PPP3CA: variants seen among roughly 807,000 people sequenced by gnomAD.
PPP3CA encodes the protein protein phosphatase 3 catalytic subunit alpha, also known as CAM-PRP catalytic subunit.
In PPP3CA, 14 loss-of-function variants were observed where a neutral mutation model predicts 66.5. The ratio of observed to expected loss-of-function variants is 0.21; its 90% CI spans 0.14 to 0.33. PPP3CA has a LOEUF of 0.33. Among genes scored for constraint, PPP3CA ranks in the 10% least tolerant of loss-of-function variants. PPP3CA has a pLI of 1.00. For missense variants in PPP3CA, 317 were observed against 639.5 expected, an observed-to-expected ratio of 0.50 and a Z score of 5.44; for synonymous variants, 232 against 226.2, an observed-to-expected ratio of 1.03 and a Z score of -0.23.
chr4:101,188,317 C>CA (rs1724477199), intron 2 of PPP3CA, among the ~76,000 whole-genome samples: 1 of 151,976 alleles, frequency 6.6e-6, no homozygotes, highest in Admixed American at 6.6e-5. Context: ...AGGCACAAGG[C>CA]AAAAGAAAAC....
chr4:101,280,627 C>T (rs1024344213), intron 1 of PPP3CA, among the ~76,000 whole-genome samples: 3 of 151,994 alleles, frequency 2.0e-5, no homozygotes, highest in African/African-American at 4.8e-5. Flanking sequence ...CGAGACCGGC[C>T]TAGCCAACAT....
chr4:101,041,067 A>T (rs999830875), intron 10 of PPP3CA, among the ~76,000 whole-genome samples: 2 of 152,226 alleles, frequency 1.3e-5, no homozygotes, highest in African/African-American at 4.8e-5. Context: ...GCCTTGCAAC[A>T]TCATTCATAA....
intron 2 of PPP3CA, among the ~76,000 whole-genome samples, chr4:101,186,220 G>A (rs1724404786): frequency 2.0e-5 from 3 of 152,048 alleles, no homozygotes. Context: ...TGACAAAGAG[G>A]TATAGAACGA....
chr4:101,082,985 CG>C (rs1323351380), intron 7 of PPP3CA, among the ~76,000 whole-genome samples, 200 bp downstream of exon 7: 2 of 152,138 alleles, frequency 1.3e-5, no homozygotes, highest in Non-Finnish European at 2.9e-5. Flanking sequence ...AAGAACTTTA[CG>C]GGAGACTGTA....
intron 1 of PPP3CA, among the ~76,000 whole-genome samples, chr4:101,272,629 C>T (rs1003986479): frequency 1.3e-5 from 2 of 152,158 alleles, no homozygotes; most frequent in South Asian, 4.1e-4. Context: ...CTTACTTCTC[C>T]GTGCCACAGT....
intron 2 of PPP3CA, among the ~76,000 whole-genome samples, chr4:101,152,959 C>T (rs1723190535): frequency 1.3e-5 from 2 of 151,890 alleles, no homozygotes; most frequent in African/African-American, 4.8e-5. Flanking sequence ...ATTTGAGACC[C>T]AAAGGGTGAG....
chr4:101,307,324 A>T (rs1342398243), intron 1 of PPP3CA, among the ~76,000 whole-genome samples: 1 of 152,146 alleles, frequency 6.6e-6, no homozygotes, highest in Non-Finnish European at 1.5e-5. Flanking sequence ...AGGAACTGAA[A>T]CACAGAATGT....
intron 3 of PPP3CA, among the ~76,000 whole-genome samples, chr4:101,101,899 A>G (rs1730460021): frequency 6.6e-6 from 1 of 152,162 alleles, no homozygotes; most frequent in South Asian, 2.1e-4. Context: ...TCTAAACTGG[A>G]ACTTTGTAAC....
chr4:101,328,031 G>A (rs1729259821), intron 1 of PPP3CA, among the ~76,000 whole-genome samples: 1 of 152,166 alleles, frequency 6.6e-6, no homozygotes, highest in African/African-American at 2.4e-5. Context: ...GATTCCAGCA[G>A]GAAGAAATTT....
chr4:101,335,577 G>A (rs930052669), intron 1 of PPP3CA, among the ~76,000 whole-genome samples: 1 of 152,116 alleles, frequency 6.6e-6, no homozygotes, highest in African/African-American at 2.4e-5. Flanking sequence ...CAGATTAGGC[G>A]TTTGACAACT....
At chr4:101,235,776 A>G (rs1159801091) in intron 1 of PPP3CA, among the ~76,000 whole-genome samples, 1 of 151,900 alleles carries the variant, frequency 6.6e-6, no homozygotes, top group East Asian at 1.9e-4. Context: ...CACTGATGTT[A>G]TAGAGGATAA....
At position 101,291,117 on chromosome 4, in the gene PPP3CA, T is replaced by C. The variant is rs143452124; in HGVS notation, c.58+55622A>G. Among the ~76,000 whole-genome samples, 10 of 145,484 alleles carry C rather than the reference T, an allele frequency of 6.9e-5. 1 individual carries two copies. Among genetic ancestry groups the C allele is most frequent in the African/African-American group, 2.2e-4 (8 of 36,200 alleles). ...ATTGTCTGCTGCAAACTGTACCTGA[T>C]GTTTTGCCCCTTAACTAGGCTATTC... is the stretch of plus-strand genomic sequence containing the variant. On this transcript the variant is annotated intron_variant, in intron 1 of 13. Coordinates refer to ENST00000394854, the MANE Select transcript of PPP3CA (RefSeq NM_000944.5).
At chr4:101,260,715 A>C (rs1726985797) in intron 1 of PPP3CA, among the ~76,000 whole-genome samples, 1 of 152,144 alleles carries the variant, frequency 6.6e-6, no homozygotes, top group Non-Finnish European at 1.5e-5. Context: ...TTCGTTCATC[A>C]AAAGTAATTC....
At chr4:101,034,059 A>G (rs1328051685) in intron 11 of PPP3CA, among the ~76,000 whole-genome samples, 1 of 152,056 alleles carries the variant, frequency 6.6e-6, no homozygotes, top group East Asian at 1.9e-4. Context: ...TCACTTGTGT[A>G]TTCAGAACTC....
intron 2 of PPP3CA, 103 bp downstream of exon 2, chr4:101,195,813 G>A (rs2110190444): frequency 1.1e-6 from 1 of 900,882 alleles, no homozygotes; most frequent in East Asian, 2.5e-5. Flanking sequence ...AGATTATGAT[G>A]GGTAAGGTAT....
intron 1 of PPP3CA, among the ~76,000 whole-genome samples, chr4:101,271,975 A>G (rs1439251378): frequency 6.6e-6 from 1 of 152,212 alleles, no homozygotes; most frequent in Non-Finnish European, 1.5e-5. Flanking sequence ...TAATCATTAT[A>G]CTATAACAAG....
intron 8 of PPP3CA, among the ~76,000 whole-genome samples, chr4:101,070,335 T>C (rs1407039147): frequency 6.6e-6 from 1 of 151,988 alleles, no homozygotes; most frequent in Non-Finnish European, 1.5e-5. Context: ...ACTAAAAACA[T>C]AACTAACAAA....
intron 2 of PPP3CA, among the ~76,000 whole-genome samples, chr4:101,145,571 A>G (rs1276633720): frequency 6.6e-6 from 1 of 152,206 alleles, no homozygotes; most frequent in East Asian, 1.9e-4. Flanking sequence ...TGGAAGCTAA[A>G]AATTAAAACA....
At chr4:101,111,239 C>A (rs957449114) in intron 2 of PPP3CA, among the ~76,000 whole-genome samples, 1 of 152,114 alleles carries the variant, frequency 6.6e-6, no homozygotes, top group Non-Finnish European at 1.5e-5. Flanking sequence ...CATGCCTTCA[C>A]GTGCCCTCCA....
Sources: gnomAD v4.1 joint callset for allele counts (sites outside exome capture counted in the v4.1 genomes callset) on GRCh38, gnomAD v4.1.1 for gene constraint, MANE v1.5 for transcripts, NCBI Gene and HGNC (gene_info 2026-07-23, HGNC 2026-07-21) for gene names.